The following PALLD variants were observed in gnomAD, a reference collection of about 807,000 sequenced individuals.
PALLD encodes the protein palladin.
A neutral mutation model predicts 123.5 loss-of-function variants in PALLD; 61 were observed. The ratio of observed to expected loss-of-function variants is 0.49; its 90% CI spans 0.40 to 0.61. The LOEUF is 0.61. Ranked by LOEUF, PALLD falls within the 20% of genes least tolerant of loss-of-function variation. The pLI is 0.00. For synonymous variants in PALLD, 465 were observed against 496.4 expected (o/e 0.94, Z 0.84); for missense variants, 1,273 against 1,377.0 (o/e 0.92, Z 1.20).
chr4:168,746,380 CAAAAAAAAAAAAAAA>C (rs747755592), intron 10 of PALLD, among the ~76,000 whole-genome samples: 12 of 37,020 alleles, frequency 3.2e-4, no homozygotes, highest in South Asian at 4.7e-3. Flanking sequence ...GAACCCGTCT[CAAAAAAAAAAAAAAA>C]AAAAAAAAAA....
At chr4:168,874,675 G>A (rs914382125) in intron 10 of PALLD, among the ~76,000 whole-genome samples, 1 of 151,956 alleles carries the variant, frequency 6.6e-6, no homozygotes, top group African/African-American at 2.4e-5. Flanking sequence ...CACATTGAAG[G>A]TCAGGGTCCT....
chr4:168,867,907 A>G (rs997415828), intron 10 of PALLD, among the ~76,000 whole-genome samples: 2 of 139,994 alleles, frequency 1.4e-5, no homozygotes, highest in Non-Finnish European at 3.1e-5. Flanking sequence ...AAGTGAAGAG[A>G]AAAAAAAAAA....
chr4:168,498,011 T>C (rs1445028265), intron 1 of PALLD, among the ~76,000 whole-genome samples: 2 of 152,250 alleles, frequency 1.3e-5, no homozygotes, highest in African/African-American at 4.8e-5. Context: ...TATAAAACTA[T>C]TACAAATCTA....
intron 10 of PALLD, among the ~76,000 whole-genome samples, chr4:168,851,972 T>C (rs1334772435): frequency 6.6e-6 from 1 of 152,144 alleles, no homozygotes; most frequent in Admixed American, 6.5e-5. Flanking sequence ...TTCTGCCAGC[T>C]CTCTCACCAG....
chr4:168,898,992 A>T (rs1339201344), intron 14 of PALLD, among the ~76,000 whole-genome samples: 1 of 152,186 alleles, frequency 6.6e-6, no homozygotes, highest in Non-Finnish European at 1.5e-5. Context: ...TGTTATTCCC[A>T]AATCACAAAT....
chr4:168,533,869 C>G (rs1764843809), intron 2 of PALLD, among the ~76,000 whole-genome samples: 1 of 151,936 alleles, frequency 6.6e-6, no homozygotes, highest in Non-Finnish European at 1.5e-5. Context: ...GACATTTTCT[C>G]CAAAAAGGAG....
Position 168,641,949 on chromosome 4 carries a change from C to T in PALLD, c.909-26241C>T, listed in dbSNP as rs537684807. 2.6e-5 allele frequency among the ~76,000 whole-genome samples: 4 copies of T among 152,294 alleles called. No individual in the cohort carries two copies. The South Asian group carries it at 6.2e-4, about 24-fold the overall frequency. On this transcript the variant is annotated intron_variant, in intron 2 of 21. Coordinates refer to ENST00000505667, the MANE Select transcript of PALLD (RefSeq NM_001166108.2). The stretch of plus-strand genomic sequence containing the variant: ...GGCGGATAGATGACTAGGGAATGGA[C>T]AGCGCAATGAATGTTGATTGGGCAT...
At chr4:168,860,486 A>G (rs774749937) in intron 10 of PALLD, among the ~76,000 whole-genome samples, 18 of 152,366 alleles carry the variant, frequency 1.2e-4, no homozygotes, top group Admixed American at 9.8e-4. Context: ...TGAGTGAGTC[A>G]TCTGGGAAGT....
chr4:168,609,923 C>T (rs1188879707), intron 2 of PALLD, among the ~76,000 whole-genome samples: 3 of 152,214 alleles, frequency 2.0e-5, no homozygotes, highest in African/African-American at 7.2e-5. Context: ...AATACCCTCT[C>T]CTTATATCCC....
intron 1 of PALLD, among the ~76,000 whole-genome samples, chr4:168,509,039 G>C (rs1032099791): frequency 6.6e-6 from 1 of 152,258 alleles, no homozygotes; most frequent in South Asian, 2.1e-4. Flanking sequence ...TACCATTGCT[G>C]GATTGGCTCT....
At chr4:168,880,278 C>T (rs1253370244) in intron 10 of PALLD, among the ~76,000 whole-genome samples, 1 of 152,148 alleles carries the variant, frequency 6.6e-6, no homozygotes, top group Non-Finnish European at 1.5e-5. Context: ...ATTGTTACCA[C>T]AAGAGTCCAG....
chr4:168,870,485 G>A (rs1335763019), intron 10 of PALLD, among the ~76,000 whole-genome samples: 1 of 152,086 alleles, frequency 6.6e-6, no homozygotes, highest in Non-Finnish European at 1.5e-5. Flanking sequence ...ATCTTCTTCT[G>A]TTTTCCAAAA....
intron 10 of PALLD, among the ~76,000 whole-genome samples, chr4:168,785,881 T>C (rs1451720035): frequency 2.8e-5 from 2 of 70,592 alleles, no homozygotes; most frequent in African/African-American, 8.8e-5. Flanking sequence ...ATATATAGCA[T>C]TTTAAGCCCA....
chr4:168,924,963 C>T lies in PALLD; in HGVS notation c.3243C>T (p.His1081=), dbSNP rs779615947. ...TCTCCAGCATGCACCAGGACAACCA[C>T]GGCTACATCTGCCTGCTCATTCAGG... ...TDRVSMHQDN[H]GYICLLIQGA... The change falls in exon 20 of 22, where the codon CAC becomes CAT. Residue 1081 remains histidine (H), a synonymous_variant. Transcript: ENST00000505667. 1.7e-5 allele frequency: 28 copies of T among 1,613,996 alleles called. No homozygotes were observed. Among genetic ancestry groups the T allele is most frequent in the Middle Eastern group, 1.6e-4 (1 of 6,082 alleles).
intron 10 of PALLD, among the ~76,000 whole-genome samples, chr4:168,801,592 T>G (rs941614289): frequency 6.6e-6 from 1 of 152,212 alleles, no homozygotes; most frequent in Non-Finnish European, 1.5e-5. Flanking sequence ...AATATTTTTT[T>G]AAAAGACGTG....
At chr4:168,676,264 A>G (rs1187351996) in intron 3 of PALLD, among the ~76,000 whole-genome samples, 3 of 151,940 alleles carry the variant, frequency 2.0e-5, no homozygotes, top group African/African-American at 7.3e-5. Context: ...ATTCCTTTGT[A>G]GTTGTTCAAC....
At chr4:168,894,386 A>C in intron 11 of PALLD, 193 bp from the exon 12 acceptor site, 3 of 600,148 alleles carry the variant, frequency 5.0e-6, no homozygotes, top group Non-Finnish European at 6.0e-6. Flanking sequence ...GGATTAGGCC[A>C]TTAGTACTAG....
In PALLD at chr4:168,556,112, T is replaced by TC. The variant is rs1233027105; in HGVS notation, c.908+43700_908+43701insC. Among the ~76,000 whole-genome samples, 342 of 152,154 alleles carry TC rather than the reference T, an allele frequency of 2.2e-3. 1 individual carries two copies. The highest frequency in any genetic ancestry group is 4.2e-3 in the Non-Finnish European group (284 of 67,970). ...GTTCATATTAATACCCTTTTTTTTT[T>TC]TGAGACAGAGTCTCACTCTGTCGCC... is the stretch of plus-strand genomic sequence containing the variant. On this transcript the variant is annotated intron_variant, in intron 2 of 21. Coordinates refer to ENST00000505667, the MANE Select transcript of PALLD (RefSeq NM_001166108.2).
At chr4:168,823,540 C>T (rs79292139) in intron 10 of PALLD, among the ~76,000 whole-genome samples, 59 of 152,082 alleles carry the variant, frequency 3.9e-4, no homozygotes, top group Admixed American at 3.0e-3. Context: ...AAATTAGCCA[C>T]GGGGTGGTGC....
Sources: allele counts gnomAD v4.1 joint callset (sites outside exome capture counted in the v4.1 genomes callset), GRCh38; gene constraint gnomAD v4.1.1; transcripts MANE v1.5; gene names NCBI Gene and HGNC (gene_info 2026-07-23, HGNC 2026-07-21).